The following R3HCC1L variants were observed in gnomAD, a reference collection of about 807,000 sequenced individuals.
R3HCC1L encodes coiled-coil domain-containing protein R3HCC1L.
Under a neutral mutation model 59.9 loss-of-function variants are expected in R3HCC1L, and 51 were observed. The ratio of observed to expected loss-of-function variants is 0.85; its 90% CI spans 0.68 to 1.07. The LOEUF (loss-of-function observed/expected upper bound fraction) is 1.07, where lower values mean the gene tolerates loss of function less well. Ranked by LOEUF, R3HCC1L falls within the 50% of genes least tolerant of loss-of-function variation. The pLI is 0.00. For synonymous variants in R3HCC1L, 322 were observed against 315.2 expected (o/e 1.02, Z -0.23); for missense variants, 965 against 933.0 (o/e 1.03, Z -0.45).
intron 5 of R3HCC1L, chr10:98,231,124 C>T (rs1392297319): frequency 5.8e-6 from 2 of 346,534 alleles, no homozygotes; most frequent in Non-Finnish European, 1.1e-5. Flanking sequence ...TGAGCCTGGT[C>T]AGTAAGCTCA....
chr10:98,150,948 C>T (rs1846094836), intron 1 of R3HCC1L, among the ~76,000 whole-genome samples: 2 of 152,272 alleles, frequency 1.3e-5, no homozygotes, highest in South Asian at 4.2e-4. Flanking sequence ...ACCTTATTCT[C>T]TTTTTCCGGT....
At chr10:98,200,958 C>T (rs1263719999) in intron 4 of R3HCC1L, among the ~76,000 whole-genome samples, 2 of 152,162 alleles carry the variant, frequency 1.3e-5, no homozygotes, top group Non-Finnish European at 1.5e-5. Context: ...GTGTGTCTTG[C>T]AGTAACCTTG....
chr10:98,142,745 G>C (rs1845276895), intron 1 of R3HCC1L, among the ~76,000 whole-genome samples: 1 of 152,046 alleles, frequency 6.6e-6, no homozygotes. Flanking sequence ...GACTAGCCTG[G>C]CCAACATGGC....
chr10:98,219,900 TC>T (rs1218449897), intron 5 of R3HCC1L, among the ~76,000 whole-genome samples: 4 of 152,210 alleles, frequency 2.6e-5, no homozygotes, highest in African/African-American at 9.6e-5. Flanking sequence ...TCTTTGAGCT[TC>T]CTATATTTGG....
intron 5 of R3HCC1L, among the ~76,000 whole-genome samples, chr10:98,212,107 T>A (rs926290643): frequency 3.9e-5 from 6 of 151,984 alleles, no homozygotes; most frequent in Admixed American, 3.9e-4. Context: ...AGGAGGGAAA[T>A]GGATTGAGAA....
rs777410355 is a variant in R3HCC1L at position 98,209,537 on chromosome 10, A to G, written c.1423A>G (p.Ile475Val). 2.5e-6 allele frequency: 4 copies of G among 1,613,940 alleles called. No individual in the cohort carries two copies. The African/African-American group carries it at 5.3e-5, about 22-fold the overall frequency. The change falls in exon 5 of 10, where the codon ATA (isoleucine) becomes GTA (valine). Residue 475 changes from isoleucine (I) to valine (V), a missense_variant. By Grantham distance (29) the Ile-to-Val change is conservative. Transcript: ENST00000298999. The stretch of plus-strand genomic sequence containing the variant: ...GTCAGATTGTGCTTCCTCCTTACCT[A>G]TAAAAAAGATTGCTGGTAGTAATTA... The part of the protein sequence containing the change: ...SLSDCASSLP[I>V]KKIAGSNYNT...
At chr10:98,142,963 CAAAA>C (rs1845304329) in intron 1 of R3HCC1L, among the ~76,000 whole-genome samples, 1 of 144,628 alleles carries the variant, frequency 6.9e-6, no homozygotes, top group Admixed American at 6.8e-5. Flanking sequence ...CAAAACAAAA[CAAAA>C]CAAAAAAAAA....
intron 4 of R3HCC1L, among the ~76,000 whole-genome samples, chr10:98,186,726 G>A (rs1052662925): frequency 1.3e-5 from 2 of 152,168 alleles, no homozygotes; most frequent in African/African-American, 4.8e-5. Flanking sequence ...AGTGCTTAAG[G>A]TGGGAAAGTA....
chr10:98,174,959 A>G (rs1226962688), intron 4 of R3HCC1L, among the ~76,000 whole-genome samples: 1 of 152,232 alleles, frequency 6.6e-6, no homozygotes, highest in African/African-American at 2.4e-5. Flanking sequence ...TCAAATTAAA[A>G]ATATAGTTTT....
chr10:98,179,625 G>T (rs1256196066), intron 4 of R3HCC1L, among the ~76,000 whole-genome samples: 2 of 152,062 alleles, frequency 1.3e-5, no homozygotes, highest in African/African-American at 2.4e-5. Context: ...TTGGAATAGT[G>T]TCGGAAGGAA....
chr10:98,219,294 G>T (rs1854594270), intron 5 of R3HCC1L, among the ~76,000 whole-genome samples: 1 of 152,092 alleles, frequency 6.6e-6, no homozygotes, highest in Admixed American at 6.6e-5. Flanking sequence ...TGTTTGTGTG[G>T]AATATATTTT....
rs556747223 is a variant in R3HCC1L, at chr10:98,145,454, T to A, written c.-267-10639T>A. On this transcript the variant is annotated intron_variant, in intron 1 of 9. Coordinates refer to ENST00000298999, the MANE Select transcript of R3HCC1L (RefSeq NM_001351015.2). ...ATAGGTCTTGGAGAAAGGTAACGAG[T>A]TCAGTTTCTAATATATTCAGTTTTA... 1.4e-4 allele frequency among the ~76,000 whole-genome samples: 22 copies of A among 152,308 alleles called. No homozygotes were observed. The South Asian group carries it at 4.6e-3, about 32-fold the overall frequency.
In R3HCC1L at chr10:98,139,661, T is replaced by TA. The variant is rs150884544; in HGVS notation, c.-268+4956dup. 6.7e-3 allele frequency among the ~76,000 whole-genome samples: 1,016 copies of TA among 152,292 alleles called. 17 individuals carry two copies. The highest frequency in any genetic ancestry group is 0.023 in the African/African-American group (936 of 41,548). On this transcript the variant is annotated intron_variant, in intron 1 of 9. Coordinates refer to ENST00000298999, the MANE Select transcript of R3HCC1L (RefSeq NM_001351015.2). The stretch of plus-strand genomic sequence containing the variant: ...TCAAAGCATTAGATAGAGGAAAAGT[T>TA]ATAGGGTGTTACTTAGCAGCAGTAA...
chr10:98,241,163 C>T lies in R3HCC1L; in HGVS notation c.2270-2928C>T, dbSNP rs114824410. ...TTACTTCTCCTTGATCTACTATGTCCGTCACTCTAAAAGAAGGGAATAAGA... is the reference window on the plus strand; with the variant it reads ...TTACTTCTCCTTGATCTACTATGTCTGTCACTCTAAAAGAAGGGAATAAGA... On this transcript the variant is annotated intron_variant, in intron 9 of 9. Coordinates refer to ENST00000298999, the MANE Select transcript of R3HCC1L (RefSeq NM_001351015.2). 6.7e-3 allele frequency among the ~76,000 whole-genome samples: 1,026 copies of T among 152,102 alleles called. 17 individuals are homozygous for T. The highest frequency in any genetic ancestry group is 0.023 in the African/African-American group (944 of 41,492).
At position 98,235,493 on chromosome 10, in the gene R3HCC1L, G is replaced by A; in HGVS notation, c.2101G>A (p.Ala701Thr). The part of the protein sequence containing the change: ...IRPLSQATRA[A>T]KAKARAYAEF... ...TCCCTTGTCACAGGCCACAAGAGCAGCCAAGGCCAAAGCTAGAGCTTATGC... is the reference window on the plus strand; with the variant it reads ...TCCCTTGTCACAGGCCACAAGAGCAACCAAGGCCAAAGCTAGAGCTTATGC... The change falls in exon 8 of 10, where the codon GCC becomes ACC. Residue 701 changes from alanine to threonine, a missense_variant. Coordinates refer to ENST00000298999, the MANE Select transcript of R3HCC1L (RefSeq NM_001351015.2). 2 of 1,613,366 alleles carry A rather than the reference G, an allele frequency of 1.2e-6. No homozygotes were observed. The highest frequency in any genetic ancestry group is 1.7e-6 in the Non-Finnish European group (2 of 1,179,640).
chr10:98,178,858 TCTG>T (rs1350637798), intron 4 of R3HCC1L, among the ~76,000 whole-genome samples: 1 of 152,204 alleles, frequency 6.6e-6, no homozygotes, highest in Non-Finnish European at 1.5e-5. Flanking sequence ...GATTTGGCTC[TCTG>T]TTTGTCTGTT....
intron 1 of R3HCC1L, among the ~76,000 whole-genome samples, chr10:98,136,614 T>C (rs145848521): frequency 9.1e-4 from 138 of 152,244 alleles, no homozygotes; most frequent in African/African-American, 2.9e-3. Context: ...GGCAGGCAGA[T>C]TGCCTGAGCT....
At chr10:98,150,241 A>G (rs1005475088) in intron 1 of R3HCC1L, among the ~76,000 whole-genome samples, 2 of 152,098 alleles carry the variant, frequency 1.3e-5, no homozygotes, top group Non-Finnish European at 1.5e-5. Context: ...TAAAATGGCT[A>G]TTTTTGAATT....
At chr10:98,156,611 G>A (rs1846907053) in intron 2 of R3HCC1L, among the ~76,000 whole-genome samples, 2 of 152,176 alleles carry the variant, frequency 1.3e-5, no homozygotes. Context: ...GGAGTGTGGT[G>A]CTCAGGGATT....
Sources: allele counts gnomAD v4.1 joint callset (sites outside exome capture counted in the v4.1 genomes callset), GRCh38; gene constraint gnomAD v4.1.1; transcripts MANE v1.5; gene names NCBI Gene and HGNC (gene_info 2026-07-23, HGNC 2026-07-21).